The following NHSL2 variants were observed in gnomAD, a reference collection of about 807,000 sequenced individuals.
NHSL2 encodes NHS like 2.
In NHSL2, 27 loss-of-function variants were observed where a neutral mutation model predicts 53.4. The ratio of observed to expected loss-of-function variants is 0.51; its 90% confidence interval spans 0.37 to 0.70. The LOEUF (loss-of-function observed/expected upper bound fraction) is 0.70. Among genes scored for constraint, NHSL2 ranks in the 30% least tolerant of loss-of-function variants. The pLI, the probability that NHSL2 is intolerant of heterozygous loss-of-function variation, is 0.00. For missense variants in NHSL2, 892 were observed against 980.1 expected (o/e 0.91, Z 1.20); for synonymous variants, 408 against 404.1 (o/e 1.01, Z -0.12).
intron 1 of NHSL2, among the ~76,000 whole-genome samples, chrX:72,057,619 A>G (rs2042376832): frequency 1.8e-5 from 2 of 111,776 alleles, no homozygotes; most frequent in Non-Finnish European, 1.9e-5. Context: ...GCTCCTAGGG[A>G]CCTGGGCAAG....
chrX:72,113,121 G>T (rs1211514571), intron 1 of NHSL2, among the ~76,000 whole-genome samples: 2 of 111,939 alleles, frequency 1.8e-5, no homozygotes, highest in African/African-American at 6.5e-5. Flanking sequence ...CTTGATGGTG[G>T]CCTTTGAAGT....
intron 1 of NHSL2, among the ~76,000 whole-genome samples, chrX:72,035,568 C>T (rs1023485143): frequency 3.6e-5 from 4 of 110,575 alleles, no homozygotes; most frequent in Non-Finnish European, 7.6e-5. Flanking sequence ...TCTTGTTGCC[C>T]GAGTGAAGTG....
At position 72,139,129 on chromosome X, in the gene NHSL2, C is replaced by T. The variant is rs1490031303; in HGVS notation, c.1581C>T (p.Ala527=). The part of the protein sequence containing the change: ...KANEACALPF[A]STSSEGSNSA... ...ATGAGGCCTGTGCCCTGCCTTTTGC[C>T]AGTACGAGCTCTGAGGGCAGTAACA... Residue 527 remains alanine, a synonymous_variant, in exon 6 of 8, where the codon GCC becomes GCT. Coordinates refer to ENST00000633930, the MANE Select transcript of NHSL2 (RefSeq NM_001013627.3). The T allele has an allele frequency of 6.0e-6, 7 of 1,170,416 alleles. No individual in the cohort carries two copies. The South Asian group carries it at 1.3e-4, about 22-fold the overall frequency.
At chrX:72,069,556 C>A in intron 1 of NHSL2, 2 of 445,402 alleles carry the variant, frequency 4.5e-6, no homozygotes, top group Non-Finnish European at 6.5e-6. Context: ...AGAAGCAAAG[C>A]TGAGGTGATG....
chrX:71,994,298 CTGTGTGTGTG>C lies in NHSL2; in HGVS notation c.280+82953_280+82962del, dbSNP rs10673341. 5.6e-5 allele frequency among the ~76,000 whole-genome samples: 5 copies of C among 90,080 alleles called. No individual in the cohort carries two copies. In the East Asian group the frequency reaches 1.8e-3, roughly 32 times the overall value. The allele number at this position is 90,080 out of a possible 115,157, so 78.2% of individuals were successfully genotyped here. ...GAGAGATCCCTGAGGGAGGCTCCCT[CTGTGTGTGTG>C]TGTGTGTGTGTGTGTGTGTGTAAAA... is the stretch of plus-strand genomic sequence containing the variant. On this transcript the variant is annotated intron_variant, in intron 1 of 7. Transcript: ENST00000633930.
chrX:72,020,222 A>G (rs1322593195), intron 1 of NHSL2, among the ~76,000 whole-genome samples: 1 of 112,568 alleles, frequency 8.9e-6, no homozygotes, highest in Non-Finnish European at 1.9e-5. Context: ...TGATTTTTTT[A>G]TGCCTTCATT....
chrX:72,014,250 T>C (rs1304905925), intron 1 of NHSL2, among the ~76,000 whole-genome samples: 1 of 112,070 alleles, frequency 8.9e-6, no homozygotes, highest in South Asian at 3.7e-4. Flanking sequence ...CTTTATTTCA[T>C]TGATTTTCTC....
intron 1 of NHSL2, among the ~76,000 whole-genome samples, chrX:71,979,022 T>G (rs1268145367): frequency 9.3e-6 from 1 of 107,657 alleles, no homozygotes; most frequent in Non-Finnish European, 1.9e-5. Flanking sequence ...TTTGGTTTTT[T>G]GTCCTTGCGA....
At chrX:72,087,141 T>G (rs968864574) in intron 1 of NHSL2, among the ~76,000 whole-genome samples, 5 of 112,097 alleles carry the variant, frequency 4.5e-5, no homozygotes, top group African/African-American at 1.6e-4. Flanking sequence ...GAAATAAAAT[T>G]TGGGATATCC....
intron 1 of NHSL2, among the ~76,000 whole-genome samples, chrX:71,975,525 C>T (rs780562477): frequency 9.0e-6 from 1 of 111,550 alleles, no homozygotes; most frequent in Non-Finnish European, 1.9e-5. Context: ...GTGATACCCT[C>T]CTTTCCTTGA....
intron 1 of NHSL2, among the ~76,000 whole-genome samples, chrX:71,962,245 A>G (rs1236058645): frequency 9.0e-6 from 1 of 111,719 alleles, no homozygotes; most frequent in Admixed American, 9.5e-5. Context: ...GAATTTTTAC[A>G]TTTATATAAG....
chrX:72,116,506 T>C lies in NHSL2; in HGVS notation c.281-15573T>C, dbSNP rs184525442. 8.5e-3 allele frequency among the ~76,000 whole-genome samples: 957 copies of C among 112,398 alleles called. 3 individuals are homozygous for C. Among genetic ancestry groups the C allele is most frequent in the Middle Eastern group, 0.023 (5 of 218 alleles). ...AGATCTTTGAGATCCAAATATTAAA[T>C]AAATTCAGATGGACAAGAAAAACAT... On this transcript the variant is annotated intron_variant, in intron 1 of 7. Transcript: ENST00000633930.
In NHSL2 at chrX:72,134,529, C is replaced by G; in HGVS notation, c.585C>G (p.Ser195Arg). Residue 195 changes from serine to arginine, a missense_variant, in exon 4 of 8, where the codon AGC becomes AGG. Physicochemically the swap from Ser to Arg is moderately radical, Grantham distance 110 (BLOSUM62 -1). Coordinates refer to ENST00000633930, the MANE Select transcript of NHSL2 (RefSeq NM_001013627.3). ...FILMPTKRQL[S>R]EDETTTQGVR... Reference sequence around the variant, plus strand: ...AACAGCCTACAAAACGGCAGCTGAGCGAGGATGAGACTACCACCCAGGGTG... The same window carrying G: ...AACAGCCTACAAAACGGCAGCTGAGGGAGGATGAGACTACCACCCAGGGTG... 2 of 1,166,376 alleles carry G rather than the reference C, an allele frequency of 1.7e-6. No individual in the cohort carries two copies. Among genetic ancestry groups the G allele is most frequent in the Non-Finnish European group, 1.1e-6 (1 of 871,424 alleles).
At chrX:71,974,667 G>T (rs1188789833) in intron 1 of NHSL2, among the ~76,000 whole-genome samples, 1 of 111,962 alleles carries the variant, frequency 8.9e-6, no homozygotes, top group Non-Finnish European at 1.9e-5. Context: ...AAACATACAG[G>T]CTGGGTCCAC....
At chrX:72,141,568 C>T (rs11094246) in intron 6 of NHSL2, among the ~76,000 whole-genome samples, 56,614 of 110,584 alleles carry the variant, frequency 0.51, 13,289 homozygotes, top group Non-Finnish European at 0.73. Context: ...AGATTCCTCC[C>T]TCCAACCACC....
At chrX:72,072,138 A>T (rs1245785926) in intron 1 of NHSL2, among the ~76,000 whole-genome samples, 1 of 112,022 alleles carries the variant, frequency 8.9e-6, no homozygotes, top group East Asian at 2.8e-4. Context: ...GGCCCAGGGG[A>T]TCATTGTAGT....
intron 1 of NHSL2, among the ~76,000 whole-genome samples, chrX:72,042,816 A>G (rs987299830): frequency 5.5e-5 from 6 of 109,393 alleles, no homozygotes; most frequent in Non-Finnish European, 1.1e-4. Flanking sequence ...TTGGGCCTGG[A>G]TGGAAGATGT....
intron 1 of NHSL2, among the ~76,000 whole-genome samples, chrX:71,946,202 G>T (rs977489444): frequency 8.9e-6 from 1 of 111,944 alleles, no homozygotes; most frequent in Non-Finnish European, 1.9e-5. Context: ...GGAGCAGGAG[G>T]CAGGGAGTCA....
intron 1 of NHSL2, among the ~76,000 whole-genome samples, chrX:72,014,083 A>G (rs2042126398): frequency 8.9e-6 from 1 of 111,867 alleles, no homozygotes; most frequent in African/African-American, 3.2e-5. Context: ...TGTTTCATCA[A>G]AGTTGTCAAA....
Sources: gnomAD v4.1 joint callset for allele counts (sites outside exome capture counted in the v4.1 genomes callset) on GRCh38, gnomAD v4.1.1 for gene constraint, MANE v1.5 for transcripts, NCBI Gene and HGNC (gene_info 2026-07-23, HGNC 2026-07-21) for gene names.